Variants in MAP1B observed in about 807,000 individuals in gnomAD.
MAP1B encodes the protein microtubule associated protein 1B, also known as microtubule-associated protein 1B.
Under a neutral mutation model 176.1 loss-of-function variants are expected in MAP1B, and 12 were observed. The observed-to-expected ratio is 0.07, with a 90% CI of 0.04 to 0.11. MAP1B has a LOEUF of 0.11. MAP1B is among the 10% of genes least tolerant of loss of function. MAP1B has a pLI of 1.00. For synonymous variants in MAP1B, 1,044 were observed against 1,135.0 expected (o/e 0.92, Z 1.61); for missense variants, 2,523 against 2,990.5 (o/e 0.84, Z 3.65).
chr5:72,185,985 T>C (rs1031644283), intron 3 of MAP1B, among the ~76,000 whole-genome samples: 8 of 152,360 alleles, frequency 5.3e-5, no homozygotes, highest in Admixed American at 2.6e-4. Flanking sequence ...GCAAACCATG[T>C]GCAATTATCT....
intron 2 of MAP1B, among the ~76,000 whole-genome samples, chr5:72,166,885 G>A (rs1434288403): frequency 6.6e-6 from 1 of 152,214 alleles, no homozygotes; most frequent in Non-Finnish European, 1.5e-5. Flanking sequence ...TTGGCAAATG[G>A]CAGACTGTGG....
chr5:72,156,619 G>GT (rs1746233481), intron 2 of MAP1B, among the ~76,000 whole-genome samples: 1 of 152,196 alleles, frequency 6.6e-6, no homozygotes, highest in African/African-American at 2.4e-5. Context: ...TTCCAATGCA[G>GT]TTCCCATATG....
chr5:72,109,920 C>T (rs1356592021), intron 1 of MAP1B, among the ~76,000 whole-genome samples: 1 of 152,208 alleles, frequency 6.6e-6, no homozygotes, highest in African/African-American at 2.4e-5. Context: ...TTTCAGCGCC[C>T]TATTCCTCAG....
intron 4 of MAP1B, among the ~76,000 whole-genome samples, chr5:72,191,857 T>C (rs1165443146): frequency 1.3e-5 from 2 of 152,228 alleles, no homozygotes; most frequent in Non-Finnish European, 2.9e-5. Context: ...GGTCATTTCC[T>C]GCATTTCATA....
At chr5:72,113,790 G>A (rs959074057) in intron 1 of MAP1B, among the ~76,000 whole-genome samples, 2 of 152,168 alleles carry the variant, frequency 1.3e-5, no homozygotes, top group Non-Finnish European at 2.9e-5. Context: ...ACAGGAACTC[G>A]ATTTTTTTGC....
intron 2 of MAP1B, among the ~76,000 whole-genome samples, chr5:72,128,193 A>C (rs1400642285): frequency 6.6e-6 from 1 of 152,188 alleles, no homozygotes; most frequent in African/African-American, 2.4e-5. Context: ...TCTGTGCCTC[A>C]GGGTCCTCAT....
chr5:72,176,041 C>A (rs1056176377), intron 2 of MAP1B, among the ~76,000 whole-genome samples: 1 of 152,160 alleles, frequency 6.6e-6, no homozygotes, highest in Admixed American at 6.5e-5. Flanking sequence ...GAAACAGATA[C>A]ATAAACAAAA....
intron 1 of MAP1B, among the ~76,000 whole-genome samples, chr5:72,111,250 C>CA (rs1745332605): frequency 6.6e-6 from 1 of 151,956 alleles, no homozygotes; most frequent in African/African-American, 2.4e-5. Flanking sequence ...TGAACGTTTT[C>CA]ATTGTTTCAT....
chr5:72,155,721 A>G (rs905098655), intron 2 of MAP1B, among the ~76,000 whole-genome samples: 2 of 151,672 alleles, frequency 1.3e-5, no homozygotes, highest in Non-Finnish European at 2.9e-5. Flanking sequence ...TTCTGTAGAA[A>G]ATCTGAAAGC....
At position 72,186,884 on chromosome 5, in the gene MAP1B, C is replaced by A; in HGVS notation, c.510+130C>A. The A allele has an allele frequency of 9.8e-7, 1 of 1,019,976 alleles. No individual in the cohort carries two copies. Among genetic ancestry groups the A allele is most frequent in the Non-Finnish European group, 1.5e-6 (1 of 689,160 alleles). 63.2% of individuals were successfully genotyped at this position (1,019,976 alleles called of 1,614,324 possible). Reference sequence around the variant, plus strand: ...AGCTCTCCTGAAATAAGCAAAACTGCATGATCCAAAATACTTTATTTCTAT... The same window carrying A: ...AGCTCTCCTGAAATAAGCAAAACTGAATGATCCAAAATACTTTATTTCTAT... On this transcript the variant is annotated intron_variant, in intron 4 of 6. Coordinates refer to ENST00000296755, the MANE Select transcript of MAP1B (RefSeq NM_005909.5). This position sits in a 1 kb window ranked among gnomAD's most constrained non-coding sequence, Gnocchi z 4.3.
At chr5:72,140,047 C>T (rs1411289051) in intron 2 of MAP1B, among the ~76,000 whole-genome samples, 5 of 152,224 alleles carry the variant, frequency 3.3e-5, no homozygotes, top group African/African-American at 9.6e-5. Context: ...CTGCAACCTC[C>T]GCCTCCAGAG....
chr5:72,189,027 C>T (rs1471842607), intron 4 of MAP1B, among the ~76,000 whole-genome samples: 2 of 152,166 alleles, frequency 1.3e-5, no homozygotes, highest in African/African-American at 2.4e-5. Flanking sequence ...ACCTTGAAGA[C>T]CACTTGTTGT....
chr5:72,198,456 C>T lies in MAP1B; in HGVS notation c.5101C>T (p.His1701Tyr). 1 of 1,613,960 alleles carries T rather than the reference C, an allele frequency of 6.2e-7. No individual in the cohort carries two copies. The highest frequency in any genetic ancestry group is 8.5e-7 in the Non-Finnish European group (1 of 1,180,036). ...PSDMQDSSLS[H>Y]KIPPMEEPSY... ...TGACATGCAGGACTCCAGTTTATCA[C>T]ATAAGATACCACCTATGGAGGAGCC... The change falls in exon 5 of 7, where the codon CAT (histidine) becomes TAT (tyrosine). Residue 1701 changes from histidine (H) to tyrosine (Y), a missense_variant. Around this residue, in one of 4 missense-constraint regions of MAP1B, gnomAD observed 1,925 missense variants for 2,126.0 expected, o/e 0.91. Transcript: ENST00000296755.
At chr5:72,205,060 T>A (rs1317870653) in intron 6 of MAP1B, 24 bp from the exon 7 acceptor site, 1 of 1,585,186 alleles carries the variant, frequency 6.3e-7, no homozygotes, top group African/African-American at 1.4e-5. Context: ...CTTAAATAGC[T>A]ATTTTTTTTT....
At chr5:72,178,460 C>T (rs2196760) in intron 2 of MAP1B, among the ~76,000 whole-genome samples, 68,947 of 152,038 alleles carry the variant, frequency 0.45, 17,216 homozygotes, top group East Asian at 0.76. Context: ...CAGTGTTGAA[C>T]CTGGGCAGGG....
At chr5:72,149,096 A>G (rs1360648471) in intron 2 of MAP1B, among the ~76,000 whole-genome samples, 1 of 152,212 alleles carries the variant, frequency 6.6e-6, no homozygotes, top group Admixed American at 6.5e-5. Context: ...ACCTAGCACA[A>G]TGCTGGCACA....
intron 4 of MAP1B, among the ~76,000 whole-genome samples, chr5:72,190,801 A>C (rs1242475729): frequency 6.6e-6 from 1 of 152,190 alleles, no homozygotes; most frequent in Non-Finnish European, 1.5e-5. Flanking sequence ...TCTGGCTAAA[A>C]CCCAGAGATA....
chr5:72,159,834 C>A (rs1746295772), intron 2 of MAP1B, among the ~76,000 whole-genome samples: 2 of 152,178 alleles, frequency 1.3e-5, no homozygotes, highest in Admixed American at 6.5e-5. Context: ...CTTTCCATGA[C>A]AGAATAGTGT....
At chr5:72,165,427 C>T (rs1035903804) in intron 2 of MAP1B, among the ~76,000 whole-genome samples, 6 of 152,072 alleles carry the variant, frequency 3.9e-5, no homozygotes, top group African/African-American at 1.4e-4. Context: ...TAAAATAAAT[C>T]GGAATTTAAA....
Sources: gnomAD v4.1 joint callset for allele counts (sites outside exome capture counted in the v4.1 genomes callset) on GRCh38, gnomAD v4.1.1 for gene constraint, gnomAD v4.1.1 regional missense constraint, Gnocchi (gnomAD v3.1) non-coding constraint, MANE v1.5 for transcripts, NCBI Gene and HGNC (gene_info 2026-07-23, HGNC 2026-07-21) for gene names.